The following PTPRD variants were observed in gnomAD, a reference collection of about 807,000 sequenced individuals.
PTPRD encodes receptor-type tyrosine-protein phosphatase delta.
PTPRD carries 34 observed loss-of-function variants against 214.5 expected under a neutral mutation model. The observed-to-expected ratio is 0.16, with a 90% CI of 0.12 to 0.21. The LOEUF (loss-of-function observed/expected upper bound fraction) is 0.21. Ranked by LOEUF, PTPRD falls within the 10% of genes least tolerant of loss-of-function variation. PTPRD has a pLI of 1.00. For synonymous variants in PTPRD, 1,128 were observed against 845.7 expected, an observed-to-expected ratio of 1.33 and a Z score of -5.79; for missense variants, 2,545 against 2,398.7, an observed-to-expected ratio of 1.06 and a Z score of -1.27.
chr9:9,900,354 G>T (rs949608985), intron 5 of PTPRD, among the ~76,000 whole-genome samples: 1 of 152,142 alleles, frequency 6.6e-6, no homozygotes, highest in Admixed American at 6.5e-5. Context: ...TCACCCTTAA[G>T]TTCAAACTTT....
At chr9:9,434,202 A>G (rs1402973572) in intron 8 of PTPRD, among the ~76,000 whole-genome samples, 1 of 152,198 alleles carries the variant, frequency 6.6e-6, no homozygotes, top group Non-Finnish European at 1.5e-5. Context: ...TAATGTTTGT[A>G]CAAACAGTGC....
chr9:8,688,226 A>C (rs1039079168), intron 12 of PTPRD, among the ~76,000 whole-genome samples: 6 of 152,154 alleles, frequency 3.9e-5, no homozygotes, highest in African/African-American at 7.2e-5. Flanking sequence ...CTTTCAGTAC[A>C]TAAGATCAAA....
intron 6 of PTPRD, among the ~76,000 whole-genome samples, chr9:9,742,195 T>C (rs1283893176): frequency 2.0e-5 from 3 of 152,224 alleles, no homozygotes; most frequent in Admixed American, 2.0e-4. Flanking sequence ...GCTGCATAAA[T>C]GTCTTCTTTT....
At chr9:8,881,776 A>G (rs2098448248) in intron 11 of PTPRD, among the ~76,000 whole-genome samples, 1 of 152,226 alleles carries the variant, frequency 6.6e-6, no homozygotes, top group East Asian at 1.9e-4. Flanking sequence ...ACAGAGATCT[A>G]AAAACTCATC....
chr9:9,415,072 T>C (rs1416840645), intron 8 of PTPRD, among the ~76,000 whole-genome samples: 1 of 152,200 alleles, frequency 6.6e-6, no homozygotes, highest in African/African-American at 2.4e-5. Flanking sequence ...TACTTGTTTA[T>C]TAAGTATTGT....
intron 3 of PTPRD, among the ~76,000 whole-genome samples, chr9:10,116,585 T>G (rs1256994859): frequency 6.6e-6 from 1 of 152,126 alleles, no homozygotes; most frequent in African/African-American, 2.4e-5. Context: ...ATAGATTACT[T>G]TGTACTCCCT....
chr9:10,294,643 C>G lies in PTPRD; in HGVS notation c.-545+46320G>C, dbSNP rs567595289. Among the ~76,000 whole-genome samples, 4 of 152,054 alleles carry G rather than the reference C, an allele frequency of 2.6e-5. No homozygotes were observed. The South Asian group carries it at 8.3e-4, about 32-fold the overall frequency. ...AAATATTTATAGTTGGAAAAGACCTCAGAGACTGTTTAATCTAACCTCTAC... is the reference window on the plus strand; with the variant it reads ...AAATATTTATAGTTGGAAAAGACCTGAGAGACTGTTTAATCTAACCTCTAC... On this transcript the variant is annotated intron_variant, in intron 3 of 45. Coordinates refer to ENST00000381196, the MANE Select transcript of PTPRD (RefSeq NM_002839.4).
intron 10 of PTPRD, among the ~76,000 whole-genome samples, chr9:9,044,081 T>G (rs2099659719): frequency 6.6e-6 from 1 of 152,166 alleles, no homozygotes; most frequent in East Asian, 1.9e-4. Flanking sequence ...GTGTTATAAC[T>G]GTGTACCTTA....
In PTPRD at chr9:8,547,619, C is replaced by T. The variant is rs543705170; in HGVS notation, c.353-18840G>A. On this transcript the variant is annotated intron_variant, in intron 14 of 45. Coordinates refer to ENST00000381196, the MANE Select transcript of PTPRD (RefSeq NM_002839.4). ...GTTCACACCACCGCACTCCAGCCTG[C>T]GTGATGAGGTGGAATCCTATTTAAA... is the stretch of plus-strand genomic sequence containing the variant. 1.9e-3 allele frequency among the ~76,000 whole-genome samples: 256 copies of T among 135,070 alleles called. 1 individual carries two copies. The highest frequency in any genetic ancestry group is 3.1e-3 in the Non-Finnish European group (206 of 65,412). The allele number at this position is 135,070 out of a possible 152,430, so 88.6% of individuals were successfully genotyped here.
At chr9:10,135,576 A>G (rs1311997378) in intron 3 of PTPRD, among the ~76,000 whole-genome samples, 4 of 152,136 alleles carry the variant, frequency 2.6e-5, no homozygotes, top group African/African-American at 9.7e-5. Flanking sequence ...GTCTATATTT[A>G]GCATCCTTAA....
rs571636301 is a variant in PTPRD at position 10,327,810 on chromosome 9, C to T, written c.-545+13153G>A. The stretch of plus-strand genomic sequence containing the variant: ...GAATTTCTAGAACTCAAACCAATGC[C>T]AAACTTTTTGAGAAGGTCTCCTGTC... On this transcript the variant is annotated intron_variant, in intron 3 of 45. Transcript: ENST00000381196. 1.4e-4 allele frequency among the ~76,000 whole-genome samples: 21 copies of T among 151,788 alleles called. No homozygotes were observed. The South Asian group carries it at 3.3e-3, about 24-fold the overall frequency.
intron 12 of PTPRD, 149 bp downstream of exon 12, chr9:8,733,631 A>G: frequency 1.3e-6 from 1 of 766,728 alleles, no homozygotes; most frequent in Non-Finnish European, 2.2e-6. Flanking sequence ...ATCTCTTTCA[A>G]AGGCTGGCTG....
At chr9:10,072,075 A>G (rs2098031684) in intron 3 of PTPRD, among the ~76,000 whole-genome samples, 1 of 151,976 alleles carries the variant, frequency 6.6e-6, no homozygotes. Flanking sequence ...TTAAACATAG[A>G]CTGGGAGAAT....
intron 11 of PTPRD, among the ~76,000 whole-genome samples, chr9:8,773,952 T>C (rs1193127896): frequency 6.6e-6 from 1 of 152,212 alleles, no homozygotes; most frequent in Non-Finnish European, 1.5e-5. Flanking sequence ...CACTTCCAGC[T>C]ACCTTCTCCC....
At chr9:10,164,563 G>T (rs1156753666) in intron 3 of PTPRD, among the ~76,000 whole-genome samples, 2 of 151,508 alleles carry the variant, frequency 1.3e-5, no homozygotes, top group Non-Finnish European at 3.0e-5. Context: ...CAGTTTTGAG[G>T]ATGTTCATAT....
At chr9:9,066,236 G>C (rs945051212) in intron 10 of PTPRD, among the ~76,000 whole-genome samples, 1 of 150,526 alleles carries the variant, frequency 6.6e-6, no homozygotes, top group Non-Finnish European at 1.5e-5. Flanking sequence ...ATTTTGTGTA[G>C]GATCGGTGTT....
chr9:9,637,846 T>G (rs1275660843), intron 7 of PTPRD, among the ~76,000 whole-genome samples: 1 of 152,196 alleles, frequency 6.6e-6, no homozygotes, highest in Non-Finnish European at 1.5e-5. Flanking sequence ...GGTCTCGACC[T>G]GGCACTGAGA....
At chr9:9,558,094 G>A (rs1413152554) in intron 8 of PTPRD, among the ~76,000 whole-genome samples, 1 of 152,046 alleles carries the variant, frequency 6.6e-6, no homozygotes, top group African/African-American at 2.4e-5. Flanking sequence ...GCTCCCTCCT[G>A]TCCATCTGCA....
chr9:10,457,909 A>G (rs1163630867), intron 2 of PTPRD, among the ~76,000 whole-genome samples: 1 of 152,104 alleles, frequency 6.6e-6, no homozygotes, highest in South Asian at 2.1e-4. Context: ...AAAGGATCAT[A>G]AGGAACCTTT....
Sources: allele counts gnomAD v4.1 joint callset (sites outside exome capture counted in the v4.1 genomes callset), GRCh38; gene constraint gnomAD v4.1.1; transcripts MANE v1.5; gene names NCBI Gene and HGNC (gene_info 2026-07-23, HGNC 2026-07-21).